Variants in EPHA6 observed in about 807,000 individuals in gnomAD.
EPHA6 encodes the protein EPH receptor A6.
A neutral mutation model predicts 112.0 loss-of-function variants in EPHA6; 50 were observed. The observed-to-expected ratio is 0.45, with a 90% CI of 0.36 to 0.56. EPHA6 has a LOEUF of 0.56. Ranked by LOEUF, EPHA6 falls within the 20% of genes least tolerant of loss-of-function variation. The pLI, the probability that EPHA6 is intolerant of heterozygous loss-of-function variation, is 0.00. For missense variants in EPHA6, 1,280 were observed against 1,417.4 expected (o/e 0.90, Z 1.56); for synonymous variants, 529 against 490.7 (o/e 1.08, Z -1.03).
intron 5 of EPHA6, among the ~76,000 whole-genome samples, chr3:97,311,936 A>G (rs1245685154): frequency 6.6e-6 from 1 of 151,730 alleles, no homozygotes; most frequent in African/African-American, 2.4e-5. Context: ...TAATATCTCA[A>G]CAATATTTAG....
chr3:96,957,030 CT>C lies in EPHA6; in HGVS notation c.451-30299del, dbSNP rs1162587004. Among the ~76,000 whole-genome samples, 421 of 126,792 alleles carry C rather than the reference CT, an allele frequency of 3.3e-3. 4 individuals are homozygous for C. Among genetic ancestry groups the C allele is most frequent in the African/African-American group, 0.014 (387 of 27,484 alleles). The allele number at this position is 126,792 out of a possible 152,430, so 83.2% of individuals were successfully genotyped here. On this transcript the variant is annotated intron_variant, in intron 2 of 17. Transcript: ENST00000389672. Reference sequence around the variant, plus strand: ...CCTGGGTGACAAGAGTGAAACTTGTCTCAAAAAAAAAAAAAAAAATCTGAAC... The same window carrying C: ...CCTGGGTGACAAGAGTGAAACTTGTCCAAAAAAAAAAAAAAAAATCTGAAC...
Position 96,814,893 on chromosome 3 carries a change from G to A in EPHA6, c.270G>A (p.Glu90=), listed in dbSNP as rs774133014. ...TCTCTTTAAGGGAGAGGAAAAGAGAGCCTAGGAGAACCATGGGGGGCTGCG... is the reference window on the plus strand; with the variant it reads ...TCTCTTTAAGGGAGAGGAAAAGAGAACCTAGGAGAACCATGGGGGGCTGCG... The part of the protein sequence containing the change: ...RHFSLRERKR[E]PRRTMGGCEV... Residue 90 remains glutamate (E), a synonymous_variant, in exon 1 of 18, where the codon GAG becomes GAA. Transcript: ENST00000389672. 5.8e-6 allele frequency: 9 copies of A among 1,554,428 alleles called. No homozygotes were observed. The highest frequency in any genetic ancestry group is 2.7e-5 in the African/African-American group (2 of 73,252).
At chr3:97,044,351 C>G (rs2045428902) in intron 3 of EPHA6, among the ~76,000 whole-genome samples, 2 of 152,098 alleles carry the variant, frequency 1.3e-5, no homozygotes, top group Admixed American at 1.3e-4. Context: ...CCTGTATATA[C>G]CAGGTATGAT....
At chr3:97,371,005 G>A (rs2085018652) in intron 5 of EPHA6, among the ~76,000 whole-genome samples, 1 of 151,924 alleles carries the variant, frequency 6.6e-6, no homozygotes, top group Non-Finnish European at 1.5e-5. Context: ...GGCTCATAAG[G>A]AGTGGGAGAT....
intron 2 of EPHA6, among the ~76,000 whole-genome samples, chr3:96,893,948 TA>T (rs747658415): frequency 1.3e-5 from 2 of 152,212 alleles, no homozygotes; most frequent in African/African-American, 2.4e-5. Context: ...AAACTCTAGA[TA>T]AGCTGATTGT....
chr3:97,733,060 G>A (rs534598178), intron 15 of EPHA6, among the ~76,000 whole-genome samples: 11 of 152,078 alleles, frequency 7.2e-5, no homozygotes, highest in African/African-American at 2.6e-4. Flanking sequence ...AAAATTTCCA[G>A]GCAAGGGAAC....
intron 5 of EPHA6, among the ~76,000 whole-genome samples, chr3:97,297,555 G>A (rs1316475596): frequency 6.6e-6 from 1 of 152,028 alleles, no homozygotes; most frequent in Non-Finnish European, 1.5e-5. Flanking sequence ...AATCCGTGTA[G>A]TATTAATATG....
At chr3:97,155,705 A>G (rs771142728) in intron 3 of EPHA6, among the ~76,000 whole-genome samples, 32 of 152,138 alleles carry the variant, frequency 2.1e-4, no homozygotes, top group Admixed American at 1.3e-4. Flanking sequence ...CTGTGGTTGT[A>G]GGAATGAGGT....
At chr3:97,674,116 T>C (rs1036469065) in intron 14 of EPHA6, among the ~76,000 whole-genome samples, 1 of 152,176 alleles carries the variant, frequency 6.6e-6, no homozygotes, top group East Asian at 1.9e-4. Context: ...AATGATTAGG[T>C]AGTGATTCAT....
Position 97,760,352 on chromosome 3 carries a change from T to A in EPHA6, c.*11651T>A, listed in dbSNP as rs1033370517. ...TTTCTGGAGATATATATATATATAT[T>A]ATATATATGTATATATACCATATGT... is the stretch of plus-strand genomic sequence containing the variant. On this transcript the variant is annotated 3_prime_UTR_variant, in exon 18 of 18. Coordinates refer to ENST00000389672, the MANE Select transcript of EPHA6 (RefSeq NM_001080448.3). 10 of 145,990 alleles carry A rather than the reference T, an allele frequency of 6.8e-5. No homozygotes were observed. Among genetic ancestry groups the A allele is most frequent in the East Asian group, 3.0e-4 (2 of 6,720 alleles). 9.0% of individuals were successfully genotyped at this position (145,990 alleles called of 1,614,324 possible). A position where few individuals can be genotyped will look rare whatever the true frequency, so the allele number is the denominator to read the frequency against.
chr3:97,655,589 C>T (rs1458789982), intron 14 of EPHA6, among the ~76,000 whole-genome samples: 3 of 151,876 alleles, frequency 2.0e-5, no homozygotes, highest in Non-Finnish European at 2.9e-5. Flanking sequence ...AATAAACATA[C>T]GTGTGCATGT....
intron 5 of EPHA6, among the ~76,000 whole-genome samples, chr3:97,399,061 C>T (rs1178205106): frequency 3.3e-5 from 5 of 151,508 alleles, no homozygotes; most frequent in South Asian, 4.1e-4. Context: ...TCTTACCTAG[C>T]TGTCATTTGG....
At chr3:97,094,752 G>T (rs541573850) in intron 3 of EPHA6, among the ~76,000 whole-genome samples, 4 of 152,150 alleles carry the variant, frequency 2.6e-5, no homozygotes, top group South Asian at 2.1e-4. Context: ...ATTTTAAAAG[G>T]CTTCAACATT....
chr3:97,556,182 G>A (rs1160552328), intron 11 of EPHA6, among the ~76,000 whole-genome samples: 1 of 151,944 alleles, frequency 6.6e-6, no homozygotes, highest in African/African-American at 2.4e-5. Context: ...CCACAAGAGA[G>A]GATTTTGTCC....
At chr3:97,343,949 CTA>C (rs1185648200) in intron 5 of EPHA6, among the ~76,000 whole-genome samples, 3 of 152,084 alleles carry the variant, frequency 2.0e-5, no homozygotes, top group African/African-American at 4.8e-5. Context: ...ATCTGATGTA[CTA>C]TGTTTTGGAT....
At chr3:96,894,067 T>C (rs2038128408) in intron 2 of EPHA6, among the ~76,000 whole-genome samples, 2 of 152,314 alleles carry the variant, frequency 1.3e-5, no homozygotes, top group South Asian at 4.1e-4. Flanking sequence ...AAGTCAATGC[T>C]AAGTTTCAAG....
intron 7 of EPHA6, among the ~76,000 whole-genome samples, chr3:97,468,137 T>C (rs2091114714): frequency 7.0e-6 from 1 of 143,804 alleles, no homozygotes; most frequent in South Asian, 2.1e-4. Flanking sequence ...GAAATCACTT[T>C]CTGAAAAAAA....
chr3:97,302,986 C>T (rs1348208674), intron 5 of EPHA6, among the ~76,000 whole-genome samples: 2 of 151,696 alleles, frequency 1.3e-5, no homozygotes, highest in Non-Finnish European at 2.9e-5. Context: ...TTCCATATAA[C>T]TTAATGTTGA....
At chr3:97,276,225 G>T (rs539910791) in intron 5 of EPHA6, among the ~76,000 whole-genome samples, 1 of 152,160 alleles carries the variant, frequency 6.6e-6, no homozygotes, top group South Asian at 2.1e-4. Context: ...CTTCCGAGGC[G>T]ATCGGGCAGT....
Sources: gnomAD v4.1 joint callset for allele counts (sites outside exome capture counted in the v4.1 genomes callset) on GRCh38, gnomAD v4.1.1 for gene constraint, MANE v1.5 for transcripts, NCBI Gene and HGNC (gene_info 2026-07-23, HGNC 2026-07-21) for gene names.